P2RX7: variants seen among roughly 807,000 people sequenced by gnomAD.
P2RX7 encodes purinergic receptor P2X 7.
P2RX7 carries 62 observed loss-of-function variants against 71.6 expected under a neutral mutation model. That is an observed-to-expected ratio of 0.87 (90% CI 0.71 to 1.07). The LOEUF is 1.07. P2RX7 is among the 50% of genes least tolerant of loss of function. The pLI, the probability that P2RX7 is intolerant of heterozygous loss-of-function variation, is 0.00. For synonymous variants in P2RX7, 299 were observed against 283.3 expected (o/e 1.06, Z -0.56); for missense variants, 686 against 748.5 (o/e 0.92, Z 0.97).
At chr12:121,159,417 C>CAAA (rs397850013) in intron 3 of P2RX7, among the ~76,000 whole-genome samples, 1,186 of 65,468 alleles carry the variant, frequency 0.018, 47 homozygotes, top group African/African-American at 0.057. Flanking sequence ...ACTCTGTCTC[C>CAAA]AAAAAAAAAA....
intron 12 of P2RX7, 80 bp downstream of exon 12, chr12:121,180,535 A>G (rs1883975196): frequency 4.6e-6 from 3 of 649,818 alleles, no homozygotes; most frequent in Non-Finnish European, 7.8e-6. Context: ...AACTTGTACA[A>G]ATCAAAACTG....
chr12:121,146,752 C>T (rs932643527), intron 1 of P2RX7, among the ~76,000 whole-genome samples: 4 of 152,184 alleles, frequency 2.6e-5, no homozygotes, highest in African/African-American at 9.7e-5. Context: ...GAAGCTTGTG[C>T]AGGGATTCCT....
intron 9 of P2RX7, among the ~76,000 whole-genome samples, chr12:121,176,255 A>T (rs1442831759): frequency 6.6e-6 from 1 of 151,268 alleles, no homozygotes; most frequent in East Asian, 1.9e-4. Flanking sequence ...ACACACACAC[A>T]CACACACACA....
chr12:121,146,859 C>T (rs1020296028), intron 1 of P2RX7, among the ~76,000 whole-genome samples: 3 of 152,148 alleles, frequency 2.0e-5, no homozygotes, highest in African/African-American at 4.8e-5. Flanking sequence ...CAAGGATGCC[C>T]GCTTTCACCG....
At chr12:121,178,335 C>A (rs1002082531) in intron 11 of P2RX7, among the ~76,000 whole-genome samples, 1 of 152,152 alleles carries the variant, frequency 6.6e-6, no homozygotes, top group African/African-American at 2.4e-5. Flanking sequence ...GAATACCAGG[C>A]ACCAGCTTAA....
intron 1 of P2RX7, among the ~76,000 whole-genome samples, chr12:121,139,703 C>G (rs943505810): frequency 1.3e-5 from 2 of 151,508 alleles, no homozygotes; most frequent in Admixed American, 1.3e-4. Flanking sequence ...CCAAATCCAA[C>G]CCAAGCATGG....
rs2230912 is a variant in P2RX7 at position 121,184,393 on chromosome 12, A to G, written c.1379A>G (p.Gln460Arg). The change falls in exon 13 of 13, where the codon CAG becomes CGG. Residue 460 changes from glutamine to arginine, a missense_variant. By Grantham distance (43) the Gln-to-Arg change is conservative. Coordinates refer to ENST00000328963, the MANE Select transcript of P2RX7 (RefSeq NM_002562.6). ...PPIPGQPEEI[Q>R]LLRKEATPRS... ...ATTCCTGGACAACCAGAGGAGATAC[A>G]GCTGCTTAGAAAGGAGGCGACTCCT... 245,361 of 1,613,940 alleles carry G rather than the reference A, an allele frequency of 0.15. 20,186 individuals carry two copies. Among genetic ancestry groups the G allele is most frequent in the Non-Finnish European group, 0.17 (197,965 of 1,179,950 alleles).
chr12:121,142,088 C>G (rs969840495), intron 1 of P2RX7, among the ~76,000 whole-genome samples: 5 of 152,134 alleles, frequency 3.3e-5, no homozygotes, highest in African/African-American at 9.7e-5. Context: ...TTAGAGGGCC[C>G]CACTCTGTCC....
rs1158979938 is a variant in P2RX7, at chr12:121,159,739, A to C, written c.364-1163A>C. On this transcript the variant is annotated intron_variant, in intron 3 of 12. Transcript: ENST00000328963. ...TTCTCTCTTCCGTGTTCTGTCCTTCAGCCCTGAGACCCAGCTGGTCTCATT... is the reference window on the plus strand; with the variant it reads ...TTCTCTCTTCCGTGTTCTGTCCTTCCGCCCTGAGACCCAGCTGGTCTCATT... Among the ~76,000 whole-genome samples, 7 of 152,280 alleles carry C rather than the reference A, an allele frequency of 4.6e-5. No homozygotes were observed. The East Asian group carries it at 1.4e-3, about 29-fold the overall frequency.
At chr12:121,146,153 G>A (rs1392886939) in intron 1 of P2RX7, among the ~76,000 whole-genome samples, 9 of 151,890 alleles carry the variant, frequency 5.9e-5, no homozygotes, top group East Asian at 1.9e-4. Context: ...ATGGCTGCAC[G>A]CTGCTACTAT....
intron 12 of P2RX7, among the ~76,000 whole-genome samples, chr12:121,182,022 C>A (rs1383742023): frequency 6.6e-6 from 1 of 150,848 alleles, no homozygotes; most frequent in African/African-American, 2.5e-5. Flanking sequence ...TGAGATCACA[C>A]CTCTGCACTC....
chr12:121,135,147 T>G (rs1004373496), intron 1 of P2RX7, among the ~76,000 whole-genome samples: 2 of 152,004 alleles, frequency 1.3e-5, no homozygotes, highest in Non-Finnish European at 2.9e-5. Context: ...GAGACCAGCC[T>G]GGCCAATATG....
rs899041230 is a variant in P2RX7, at chr12:121,154,433, C to T, written c.126-352C>T. ...TTACTGAGCCTCCAGACAAAGCTGG[C>T]GAACCCACCGGGGCGAGACTTTATG... On this transcript the variant is annotated intron_variant, in intron 1 of 12. Transcript: ENST00000328963. The surrounding 1 kb of genome is among the most constrained non-coding windows in gnomAD (Gnocchi z 4.2). Among the ~76,000 whole-genome samples, 2 of 152,126 alleles carry T rather than the reference C, an allele frequency of 1.3e-5. No homozygotes were observed. Among genetic ancestry groups the T allele is most frequent in the East Asian group, 1.9e-4 (1 of 5,182 alleles).
intron 12 of P2RX7, among the ~76,000 whole-genome samples, chr12:121,180,862 G>A (rs1718108): frequency 0.39 from 58,753 of 151,640 alleles, 11,829 homozygotes; most frequent in African/African-American, 0.45. Flanking sequence ...TACTCAGAAG[G>A]CTGAGGCAGG....
chr12:121,146,860 G>A (rs555684073), intron 1 of P2RX7, among the ~76,000 whole-genome samples: 2 of 152,302 alleles, frequency 1.3e-5, no homozygotes, highest in South Asian at 2.1e-4. Flanking sequence ...AAGGATGCCC[G>A]CTTTCACCGC....
chr12:121,180,829 G>A (rs1397374358), intron 12 of P2RX7, among the ~76,000 whole-genome samples: 1 of 151,982 alleles, frequency 6.6e-6, no homozygotes, highest in Non-Finnish European at 1.5e-5. Context: ...CGGGTGGTGT[G>A]GTGGCACACA....
In P2RX7 at chr12:121,149,043, G is replaced by T; in HGVS notation, c.126-5742G>T. The T allele has an allele frequency of 1.7e-6, 1 of 578,522 alleles. No homozygotes were observed. The highest frequency in any genetic ancestry group is 1.4e-5 in the South Asian group (1 of 69,818). 35.8% of individuals were successfully genotyped at this position (578,522 alleles called of 1,614,324 possible). A position where few individuals can be genotyped will look rare whatever the true frequency, so the allele number is the denominator to read the frequency against. On this transcript the variant is annotated intron_variant, in intron 1 of 12. Coordinates refer to ENST00000328963, the MANE Select transcript of P2RX7 (RefSeq NM_002562.6). The surrounding 1 kb of genome is among the most constrained non-coding windows in gnomAD (Gnocchi z 4.7). ...GGAGAGGAACTTTGCTGAAAGGGAG[G>T]TCCTCCCTGCAGAGCTTGAAGAGCA... is the stretch of plus-strand genomic sequence containing the variant.
chr12:121,152,289 T>C (rs1877613825), intron 1 of P2RX7, among the ~76,000 whole-genome samples: 1 of 152,130 alleles, frequency 6.6e-6, no homozygotes, highest in South Asian at 2.1e-4. Context: ...CCTAGTCAAT[T>C]CATTTTCACT....
At chr12:121,136,023 A>AATATATATAT (rs1555222078) in intron 1 of P2RX7, among the ~76,000 whole-genome samples, 406 of 14,900 alleles carry the variant, frequency 0.027, 10 homozygotes, top group Middle Eastern at 0.083. Flanking sequence ...AAAAAAAAAA[A>AATATATATAT]ATATATATAT....
Sources: allele counts gnomAD v4.1 joint callset (sites outside exome capture counted in the v4.1 genomes callset), GRCh38; gene constraint gnomAD v4.1.1; non-coding constraint Gnocchi (gnomAD v3.1); transcripts MANE v1.5; gene names NCBI Gene and HGNC (gene_info 2026-07-23, HGNC 2026-07-21).